Variants in RALB observed in about 807,000 individuals in gnomAD.
The protein encoded by RALB is ras-related protein Ral-B.
Under a neutral mutation model 21.3 loss-of-function variants are expected in RALB, and 16 were observed. The observed-to-expected ratio is 0.75, with a 90% CI of 0.51 to 1.14. RALB has a LOEUF of 1.14. Among genes scored for constraint, RALB ranks in the 50% most tolerant of loss-of-function variants. The pLI is 0.00. For synonymous variants in RALB, 93 were observed against 96.1 expected (o/e 0.97, Z 0.19); for missense variants, 161 against 256.2 (o/e 0.63, Z 2.54).
At chr2:120,278,006 T>G (rs1689880998) in intron 1 of RALB, among the ~76,000 whole-genome samples, 1 of 145,936 alleles carries the variant, frequency 6.9e-6, no homozygotes, top group African/African-American at 2.6e-5. Context: ...TGTGCGAGTG[T>G]GTGAGCATGT....
At chr2:120,285,578 A>T (rs1690111691) in intron 2 of RALB, among the ~76,000 whole-genome samples, 1 of 152,248 alleles carries the variant, frequency 6.6e-6, no homozygotes, top group South Asian at 2.1e-4. Context: ...ATTAAAAAAG[A>T]ATTCCAGTTT....
chr2:120,287,499 C>T (rs950006507), intron 3 of RALB, among the ~76,000 whole-genome samples: 1 of 152,218 alleles, frequency 6.6e-6, no homozygotes, highest in African/African-American at 2.4e-5. Context: ...TTTAATGCCT[C>T]ATAGAGGGTA....
At chr2:120,257,703 C>T (rs1001857956) in intron 1 of RALB, among the ~76,000 whole-genome samples, 1 of 152,208 alleles carries the variant, frequency 6.6e-6, no homozygotes, top group African/African-American at 2.4e-5. Context: ...ACTTCCTCTG[C>T]TTCCTATTTT....
intron 2 of RALB, among the ~76,000 whole-genome samples, chr2:120,283,103 C>G (rs116707622): frequency 6.6e-6 from 1 of 151,962 alleles, no homozygotes; most frequent in Non-Finnish European, 1.5e-5. Context: ...GTGGTTCTGC[C>G]GCGTGGCCAG....
intron 4 of RALB, among the ~76,000 whole-genome samples, chr2:120,291,878 C>T (rs576032296): frequency 4.6e-5 from 7 of 152,228 alleles, no homozygotes; most frequent in African/African-American, 1.7e-4. Context: ...TGTGGAGCCC[C>T]ACACTCCAGA....
chr2:120,261,186 A>G (rs1396296843), intron 1 of RALB, among the ~76,000 whole-genome samples: 1 of 152,174 alleles, frequency 6.6e-6, no homozygotes, highest in Non-Finnish European at 1.5e-5. Context: ...CGCATGTGTG[A>G]ATCTTTAGGG....
intron 1 of RALB, among the ~76,000 whole-genome samples, chr2:120,275,450 T>C (rs966693988): frequency 3.9e-5 from 6 of 152,234 alleles, no homozygotes; most frequent in Non-Finnish European, 8.8e-5. Flanking sequence ...TGGCTGCTCA[T>C]GAGGATCACC....
intron 2 of RALB, among the ~76,000 whole-genome samples, chr2:120,281,490 T>TA (rs1429961341): frequency 6.6e-6 from 1 of 152,236 alleles, no homozygotes; most frequent in African/African-American, 2.4e-5. Context: ...TGTCCAGTAT[T>TA]ACGTGTGTAA....
At chr2:120,253,147 C>T (rs1282356084) in intron 1 of RALB, among the ~76,000 whole-genome samples, 167 bp downstream of exon 1, 1 of 152,120 alleles carries the variant, frequency 6.6e-6, no homozygotes, top group Non-Finnish European at 1.5e-5. Context: ...CCGGCAGCGG[C>T]CCCGCTCCGC....
rs56028073 is a variant in RALB, at chr2:120,264,219, C to T, written c.-48+11239C>T. On this transcript the variant is annotated intron_variant, in intron 1 of 4. Transcript: ENST00000272519. ...AGGCTGGAGTGTAGTGGTGTGATCTCGGCTCACTGCAAGCTCTGCCTTCTG... is the reference window on the plus strand; with the variant it reads ...AGGCTGGAGTGTAGTGGTGTGATCTTGGCTCACTGCAAGCTCTGCCTTCTG... Among the ~76,000 whole-genome samples, 1,118 of 151,028 alleles carry T rather than the reference C, an allele frequency of 7.4e-3. 8 individuals carry two copies. Among genetic ancestry groups the T allele is most frequent in the African/African-American group, 0.026 (1,074 of 41,094 alleles).
upstream of RALB, among the ~76,000 whole-genome samples, chr2:120,250,029 G>A (rs1441728193): frequency 6.6e-6 from 1 of 152,176 alleles, no homozygotes; most frequent in Non-Finnish European, 1.5e-5. Context: ...TCATCCTTGA[G>A]GTCCTAGCTT....
chr2:120,284,568 T>A (rs1382103696), intron 2 of RALB, among the ~76,000 whole-genome samples: 3 of 152,184 alleles, frequency 2.0e-5, no homozygotes, highest in South Asian at 2.1e-4. Flanking sequence ...CTGGCTAATC[T>A]TTTGTATTTT....
At chr2:120,255,327 A>C (rs943392883) in intron 1 of RALB, among the ~76,000 whole-genome samples, 1 of 152,084 alleles carries the variant, frequency 6.6e-6, no homozygotes, top group Non-Finnish European at 1.5e-5. Context: ...AGAGCCGAGC[A>C]CAGAGGAAAA....
intron 1 of RALB, among the ~76,000 whole-genome samples, chr2:120,257,083 G>A (rs1689218190): frequency 6.8e-6 from 1 of 147,132 alleles, no homozygotes; most frequent in Non-Finnish European, 1.5e-5. Context: ...AGATCTTGCT[G>A]GTCCCTAAAC....
intron 1 of RALB, among the ~76,000 whole-genome samples, chr2:120,241,989 G>A (rs1454918655): frequency 2.0e-5 from 3 of 152,166 alleles, no homozygotes; most frequent in South Asian, 2.1e-4. Context: ...ACATTCTCAC[G>A]ATAGGCCAGA....
intron 1 of RALB, among the ~76,000 whole-genome samples, chr2:120,272,682 A>C (rs1360782847): frequency 6.6e-6 from 1 of 151,994 alleles, no homozygotes. Flanking sequence ...AGCTTCCTAA[A>C]CTTAACTGAT....
intron 1 of RALB, among the ~76,000 whole-genome samples, chr2:120,269,478 T>A (rs1689602453): frequency 6.9e-6 from 1 of 145,002 alleles, no homozygotes; most frequent in South Asian, 2.1e-4. Context: ...ACCCATGTCC[T>A]GCTGATTGGT....
intron 1 of RALB, among the ~76,000 whole-genome samples, chr2:120,266,924 A>G (rs1689518957): frequency 6.6e-6 from 1 of 152,134 alleles, no homozygotes; most frequent in Admixed American, 6.5e-5. Context: ...ACTTTCCCTA[A>G]GTGAAATGGT....
At chr2:120,252,775 G>A, upstream of RALB, 1 of 985,354 alleles carries the variant, frequency 1.0e-6, no homozygotes, top group Non-Finnish European at 1.2e-6. Context: ...CCGAGGAGAG[G>A]GCAAGAACGG....
Sources: gnomAD v4.1 joint callset for allele counts (sites outside exome capture counted in the v4.1 genomes callset) on GRCh38, gnomAD v4.1.1 for gene constraint, MANE v1.5 for transcripts, NCBI Gene and HGNC (gene_info 2026-07-23, HGNC 2026-07-21) for gene names.